PKIB: variants seen among roughly 807,000 people sequenced by gnomAD.
PKIB encodes cAMP-dependent protein kinase inhibitor beta.
In PKIB, 2 loss-of-function variants were observed where a neutral mutation model predicts 4.5. The ratio of observed to expected loss-of-function variants is 0.44; its 90% CI spans 0.18 to 1.39. PKIB has a LOEUF of 1.39. PKIB is among the 40% of genes most tolerant of loss of function. The pLI, the probability that PKIB is intolerant of heterozygous loss-of-function variation, is 0.27. For missense variants in PKIB, 94 were observed against 92.6 expected, an observed-to-expected ratio of 1.02 and a Z score of -0.06; for synonymous variants, 38 against 36.0, an observed-to-expected ratio of 1.06 and a Z score of -0.20.
At chr6:122,661,266 C>T (rs892950459) in intron 2 of PKIB, among the ~76,000 whole-genome samples, 21 of 152,252 alleles carry the variant, frequency 1.4e-4, no homozygotes, top group East Asian at 5.8e-4. Context: ...AGTATATTCA[C>T]GCACTGTCAT....
Position 122,598,015 on chromosome 6 carries a change from CA to C in PKIB, c.-161+12009del, listed in dbSNP as rs745423422. 5.3e-5 allele frequency among the ~76,000 whole-genome samples: 8 copies of C among 152,284 alleles called. No homozygotes were observed. In the East Asian group the frequency reaches 1.5e-3, roughly 29 times the overall value. On this transcript the variant is annotated intron_variant, in intron 3 of 6. Coordinates refer to the PKIB transcript ENST00000392491. The stretch of plus-strand genomic sequence containing the variant: ...AAATGTCTAATCATTTCCCTTTCCC[CA>C]CTGCACAGTTACCCTGGTAAAAGGC...
intron 3 of PKIB, among the ~76,000 whole-genome samples, chr6:122,599,549 A>G (rs1250796732): frequency 6.6e-6 from 1 of 152,212 alleles, no homozygotes; most frequent in Non-Finnish European, 1.5e-5. Flanking sequence ...TTTGAGGCTC[A>G]GTATCTGCTT....
chr6:122,610,795 G>A (rs1774720873), intron 1 of PKIB, among the ~76,000 whole-genome samples: 1 of 152,208 alleles, frequency 6.6e-6, no homozygotes, highest in Non-Finnish European at 1.5e-5. Context: ...CGTGACGTGG[G>A]AGGTCTGTCA....
At chr6:122,512,744 C>T (rs117043982) in intron 2 of PKIB, among the ~76,000 whole-genome samples, 2 of 152,266 alleles carry the variant, frequency 1.3e-5, no homozygotes, top group East Asian at 3.9e-4. Flanking sequence ...TATTCCTTGA[C>T]ATTTAAAATT....
At chr6:122,499,398 G>T (rs905975685) in intron 2 of PKIB, among the ~76,000 whole-genome samples, 11 of 152,152 alleles carry the variant, frequency 7.2e-5, no homozygotes. Flanking sequence ...GTCAGGGTTG[G>T]TTGAATGTAT....
chr6:122,595,465 A>G (rs904401188), intron 3 of PKIB, among the ~76,000 whole-genome samples: 8 of 152,192 alleles, frequency 5.3e-5, no homozygotes, highest in Non-Finnish European at 1.0e-4. Context: ...ATATCATGAC[A>G]GTGGATAAGG....
intron 3 of PKIB, among the ~76,000 whole-genome samples, chr6:122,586,930 T>C (rs1051879141): frequency 6.6e-6 from 1 of 152,066 alleles, no homozygotes; most frequent in African/African-American, 2.4e-5. Context: ...GGTGGGGTGG[T>C]AGGAGGGAGC....
At chr6:122,703,933 T>G (rs1159238173) in intron 3 of PKIB, among the ~76,000 whole-genome samples, 1 of 125,444 alleles carries the variant, frequency 8.0e-6, no homozygotes, top group African/African-American at 3.0e-5. Flanking sequence ...TATATATATA[T>G]ATATATATAG....
intron 2 of PKIB, among the ~76,000 whole-genome samples, chr6:122,511,201 G>A (rs1043471615): frequency 6.6e-6 from 1 of 152,038 alleles, no homozygotes; most frequent in African/African-American, 2.4e-5. Flanking sequence ...TTTTCTATTT[G>A]TTTTTTAAGG....
intron 2 of PKIB, chr6:122,481,679 T>TTTGTGTGTGTACATACACACACA (rs1383489740): frequency 2.0e-5 from 3 of 149,464 alleles, no homozygotes; most frequent in Non-Finnish European, 4.5e-5. Context: ...TGTGTGTGTG[T>TTTGTGTGTGTACATACACACACA]TTGTGTGTGT....
chr6:122,515,858 G>T (rs999877006), intron 2 of PKIB, among the ~76,000 whole-genome samples: 19 of 152,070 alleles, frequency 1.2e-4, no homozygotes, highest in South Asian at 4.1e-4. Flanking sequence ...TGGGACTACA[G>T]GCTCGCACCA....
At chr6:122,561,994 G>GTTTTTGTTTTTTTTTTTTTTTTTT in intron 2 of PKIB, among the ~76,000 whole-genome samples, 1 of 40,904 alleles carries the variant, frequency 2.4e-5, no homozygotes, top group African/African-American at 9.0e-5. Context: ...GTTTGTTTTT[G>GTTTTTGTTTTTTTTTTTTTTTTTT]TTTTTTTTTG....
intron 2 of PKIB, among the ~76,000 whole-genome samples, chr6:122,511,443 A>C (rs1776581031): frequency 6.6e-6 from 1 of 152,154 alleles, no homozygotes; most frequent in Non-Finnish European, 1.5e-5. Flanking sequence ...TGCAGAGCTT[A>C]AAACTTTTTT....
intron 2 of PKIB, among the ~76,000 whole-genome samples, chr6:122,541,551 C>A (rs991872206): frequency 6.6e-6 from 1 of 151,974 alleles, no homozygotes; most frequent in Non-Finnish European, 1.5e-5. Flanking sequence ...CCGAGAGATC[C>A]GCTGTTAATC....
chr6:122,639,679 G>C (rs1407507780), intron 2 of PKIB, among the ~76,000 whole-genome samples: 1 of 152,118 alleles, frequency 6.6e-6, no homozygotes, highest in African/African-American at 2.4e-5. Context: ...TCAATTACGT[G>C]AGAAATATCA....
At chr6:122,520,668 C>CACCG (rs199840605) in intron 2 of PKIB, among the ~76,000 whole-genome samples, 1 of 116,982 alleles carries the variant, frequency 8.5e-6, no homozygotes, top group African/African-American at 3.3e-5. Context: ...TGTTCCCACC[C>CACCG]CCCCCCCACC....
intron 2 of PKIB, among the ~76,000 whole-genome samples, chr6:122,584,350 A>C (rs1487042911): frequency 1.3e-5 from 2 of 152,148 alleles, no homozygotes; most frequent in Non-Finnish European, 2.9e-5. Context: ...TAAATATGTC[A>C]ATAAAAAAGT....
intron 2 of PKIB, among the ~76,000 whole-genome samples, chr6:122,524,177 C>G (rs1465095895): frequency 6.7e-6 from 1 of 148,328 alleles, no homozygotes. Flanking sequence ...TCCTCCTCCT[C>G]CTCTTCATCC....
chr6:122,649,217 C>G (rs993103082), intron 2 of PKIB, among the ~76,000 whole-genome samples: 2 of 152,208 alleles, frequency 1.3e-5, no homozygotes, highest in Non-Finnish European at 2.9e-5. Flanking sequence ...CATCTCCAAA[C>G]TGTTGACCAC....
Sources: gnomAD v4.1 joint callset for allele counts (sites outside exome capture counted in the v4.1 genomes callset) on GRCh38, gnomAD v4.1.1 for gene constraint, MANE v1.5 for transcripts, NCBI Gene and HGNC (gene_info 2026-07-23, HGNC 2026-07-21) for gene names.